SATB2: variants seen among roughly 807,000 people sequenced by gnomAD.
The protein encoded by SATB2 is DNA-binding protein SATB2.
A neutral mutation model predicts 73.4 loss-of-function variants in SATB2; 1 was observed. That is an observed-to-expected ratio of 0.01 (90% confidence interval 0.00 to 0.06). The LOEUF (loss-of-function observed/expected upper bound fraction) is 0.06, where lower values mean the gene tolerates loss of function less well. Among genes scored for constraint, SATB2 ranks in the 10% least tolerant of loss-of-function variants. SATB2 has a pLI of 1.00. For synonymous variants in SATB2, 397 were observed against 367.0 expected, an observed-to-expected ratio of 1.08 and a Z score of -0.93; for missense variants, 459 against 945.8, an observed-to-expected ratio of 0.49 and a Z score of 6.75.
chr2:199,409,722 C>T (rs1284170373), intron 3 of SATB2, among the ~76,000 whole-genome samples: 3 of 151,636 alleles, frequency 2.0e-5, no homozygotes, highest in African/African-American at 7.3e-5. Context: ...CAACAAATGC[C>T]AAGTCTTTCT....
chr2:199,307,739 CAT>C (rs1205605273), intron 10 of SATB2, among the ~76,000 whole-genome samples: 2 of 152,152 alleles, frequency 1.3e-5, no homozygotes, highest in African/African-American at 2.4e-5. Flanking sequence ...CTCTCCCAAA[CAT>C]GTGAGGGGGG....
chr2:199,366,487 T>C (rs1479992607), intron 6 of SATB2, among the ~76,000 whole-genome samples: 1 of 152,116 alleles, frequency 6.6e-6, no homozygotes, highest in Non-Finnish European at 1.5e-5. Context: ...TGGGTGTTTA[T>C]TTTCTGTACA....
chr2:199,363,043 T>C (rs1049960648), intron 6 of SATB2, among the ~76,000 whole-genome samples: 1 of 152,208 alleles, frequency 6.6e-6, no homozygotes, highest in Admixed American at 6.5e-5. Context: ...TATGAATAAG[T>C]ATATTCAGCC....
intron 3 of SATB2, among the ~76,000 whole-genome samples, chr2:199,429,765 C>G (rs1186517098): frequency 1.3e-5 from 2 of 152,130 alleles, no homozygotes; most frequent in Non-Finnish European, 2.9e-5. Flanking sequence ...CAAAAATTAG[C>G]CAGGCTTGGT....
At chr2:199,294,755 T>G (rs1223346046) in intron 10 of SATB2, among the ~76,000 whole-genome samples, 2 of 152,232 alleles carry the variant, frequency 1.3e-5, no homozygotes, top group Non-Finnish European at 2.9e-5. Context: ...ATGTGAATAC[T>G]GCACTTATGC....
chr2:199,427,340 A>C (rs1393762617), intron 3 of SATB2, among the ~76,000 whole-genome samples: 1 of 152,190 alleles, frequency 6.6e-6, no homozygotes, highest in Non-Finnish European at 1.5e-5. Context: ...TTCAAAAAAA[A>C]AATTAAGGGA....
At chr2:199,443,817 G>C (rs1202635451) in intron 2 of SATB2, among the ~76,000 whole-genome samples, 1 of 152,024 alleles carries the variant, frequency 6.6e-6, no homozygotes, top group Non-Finnish European at 1.5e-5. Context: ...GCTGAAAGGA[G>C]AAAGAGAAAA....
At chr2:199,465,680 G>C (rs1692579632), upstream of SATB2, among the ~76,000 whole-genome samples, 2 of 152,134 alleles carry the variant, frequency 1.3e-5, no homozygotes, top group Non-Finnish European at 2.9e-5. Context: ...GAAATATAAA[G>C]GCAATCTAAG....
intron 10 of SATB2, among the ~76,000 whole-genome samples, chr2:199,288,497 T>C (rs1692750748): frequency 6.6e-6 from 1 of 152,222 alleles, no homozygotes; most frequent in Admixed American, 6.5e-5. Context: ...TGAGGCTATT[T>C]AGAATCCCAC....
At chr2:199,404,324 ATTATG>A (rs1489549979) in intron 3 of SATB2, among the ~76,000 whole-genome samples, 1 of 152,252 alleles carries the variant, frequency 6.6e-6, no homozygotes. Context: ...ATGAATGATT[ATTATG>A]TTAACAGATA....
upstream of SATB2, among the ~76,000 whole-genome samples, chr2:199,466,010 AC>A (rs781331675): frequency 2.0e-5 from 3 of 152,208 alleles, no homozygotes; most frequent in Non-Finnish European, 4.4e-5. Context: ...ATTATAGACA[AC>A]TTTTCCTTTC....
chr2:199,300,917 G>T (rs1270290478), intron 10 of SATB2, among the ~76,000 whole-genome samples: 2 of 151,978 alleles, frequency 1.3e-5, no homozygotes, highest in Admixed American at 6.6e-5. Flanking sequence ...GAATTTGGAA[G>T]GCGGTGTGTT....
At position 199,308,617 on chromosome 2, in the gene SATB2, G is replaced by T. The variant is rs111330899; in HGVS notation, c.1740+143C>A. ...ACATACACACAGTACCCACTGTGAC[G>T]ACAGCGTCTTCTGTACTTGGGGACC... On this transcript the variant is annotated intron_variant, in intron 10 of 10. Transcript: ENST00000417098. The surrounding 1 kb of genome is among the most constrained non-coding windows in gnomAD (Gnocchi z 4.6). 7.5e-5 allele frequency: 52 copies of T among 695,774 alleles called. No homozygotes were observed. In the African/African-American group the frequency reaches 7.7e-4, roughly 10 times the overall value. The allele number at this position is 695,774 out of a possible 1,614,324, so 43.1% of individuals were successfully genotyped here.
intron 10 of SATB2, among the ~76,000 whole-genome samples, chr2:199,280,217 C>A (rs1373959390): frequency 6.6e-6 from 1 of 152,216 alleles, no homozygotes; most frequent in African/African-American, 2.4e-5. Context: ...GGACACTTAT[C>A]ACTTCCCCGA....
chr2:199,327,372 C>A (rs1201906307), intron 8 of SATB2, among the ~76,000 whole-genome samples: 7 of 152,142 alleles, frequency 4.6e-5, no homozygotes, highest in African/African-American at 1.7e-4. Context: ...ACCTGAGAAG[C>A]AGAGGCTGCA....
chr2:199,303,269 T>C (rs1687337120), intron 10 of SATB2, among the ~76,000 whole-genome samples: 1 of 152,128 alleles, frequency 6.6e-6, no homozygotes, highest in African/African-American at 2.4e-5. Context: ...ACCCCTTTGG[T>C]TGTTCACAAT....
chr2:199,344,212 C>T (rs1330462179), intron 7 of SATB2, among the ~76,000 whole-genome samples: 1 of 152,084 alleles, frequency 6.6e-6, no homozygotes, highest in South Asian at 2.1e-4. Flanking sequence ...CATGAAATGC[C>T]TATTCATGCA....
intron 7 of SATB2, among the ~76,000 whole-genome samples, chr2:199,333,291 G>T (rs1204875593): frequency 6.6e-6 from 1 of 152,120 alleles, no homozygotes; most frequent in Admixed American, 6.6e-5. Context: ...GAAGGAGAAG[G>T]TATTATAGCA....
In SATB2 at chr2:199,316,367, A is replaced by G. The variant is rs137885425; in HGVS notation, c.1543-7410T>C. Among the ~76,000 whole-genome samples, 491 of 152,254 alleles carry G rather than the reference A, an allele frequency of 3.2e-3. 1 individual carries two copies. The highest frequency in any genetic ancestry group is 0.017 in the East Asian group (90 of 5,166). On this transcript the variant is annotated intron_variant, in intron 9 of 10. Transcript: ENST00000417098. ...CAAGGAAGGCTTGTCAAGGGCTTCA[A>G]TGAATCCCTGACAAGGAGATTATCT...
Sources: gnomAD v4.1 joint callset for allele counts (sites outside exome capture counted in the v4.1 genomes callset) on GRCh38, gnomAD v4.1.1 for gene constraint, Gnocchi (gnomAD v3.1) non-coding constraint, MANE v1.5 for transcripts, NCBI Gene and HGNC (gene_info 2026-07-23, HGNC 2026-07-21) for gene names.